Variants in VEPH1 observed in about 807,000 individuals in gnomAD.
VEPH1 encodes ventricular zone-expressed PH domain-containing protein homolog 1.
VEPH1 carries 80 observed loss-of-function variants against 85.2 expected under a neutral mutation model. That is an observed-to-expected ratio of 0.94 (90% CI 0.78 to 1.13). The LOEUF (loss-of-function observed/expected upper bound fraction) is 1.13. Ranked by LOEUF, VEPH1 falls within the 50% of genes most tolerant of loss-of-function variation. The probability of loss-of-function intolerance (pLI) is 0.00; values close to 1 mark genes in which losing one functional copy is unlikely to be tolerated. For synonymous variants in VEPH1, 297 were observed against 348.0 expected (o/e 0.85, Z 1.63); for missense variants, 955 against 980.5 (o/e 0.97, Z 0.35).
intron 6 of VEPH1, among the ~76,000 whole-genome samples, chr3:157,387,118 A>C (rs953882505): frequency 1.3e-5 from 2 of 152,208 alleles, no homozygotes; most frequent in African/African-American, 4.8e-5. Context: ...GATTTGGCCC[A>C]CAGGCAGTAA....
chr3:157,437,395 G>C, intron 4 of VEPH1: 1 of 1,249,384 alleles, frequency 8.0e-7, no homozygotes, highest in Non-Finnish European at 1.1e-6. Flanking sequence ...TCCTTAAAGG[G>C]AAGGGGAATG....
intron 7 of VEPH1, 48 bp downstream of exon 7, chr3:157,381,108 C>T (rs764735650): frequency 6.3e-7 from 1 of 1,595,176 alleles, no homozygotes; most frequent in Non-Finnish European, 8.6e-7. Context: ...CATTCTACCC[C>T]CACAGGTGCA....
intron 9 of VEPH1, among the ~76,000 whole-genome samples, chr3:157,341,272 C>T (rs535565373): frequency 6.6e-6 from 1 of 152,094 alleles, no homozygotes; most frequent in Non-Finnish European, 1.5e-5. Context: ...AGCTAAAAAC[C>T]TTGAAAAAAG....
chr3:157,395,674 T>G (rs565605123), intron 6 of VEPH1, among the ~76,000 whole-genome samples: 1 of 152,254 alleles, frequency 6.6e-6, no homozygotes, highest in South Asian at 2.1e-4. Context: ...CATCCACATA[T>G]CTCTTCCCAA....
chr3:157,275,095 C>G (rs1014133804), intron 12 of VEPH1, among the ~76,000 whole-genome samples: 1 of 152,166 alleles, frequency 6.6e-6, no homozygotes, highest in Non-Finnish European at 1.5e-5. Context: ...CATCCAGACT[C>G]AGAAATTACT....
At chr3:157,272,202 T>C (rs1344680974) in intron 12 of VEPH1, among the ~76,000 whole-genome samples, 2 of 142,672 alleles carry the variant, frequency 1.4e-5, no homozygotes, top group East Asian at 2.1e-4. Flanking sequence ...GGACAAGGAC[T>C]CTCTAGTAAA....
At chr3:157,303,117 T>C (rs1356113088) in intron 11 of VEPH1, among the ~76,000 whole-genome samples, 2 of 152,238 alleles carry the variant, frequency 1.3e-5, no homozygotes, top group Non-Finnish European at 2.9e-5. Context: ...AAGAGAATGC[T>C]CTAATACACC....
intron 6 of VEPH1, among the ~76,000 whole-genome samples, chr3:157,400,688 C>T (rs1275178593): frequency 6.6e-6 from 1 of 152,094 alleles, no homozygotes; most frequent in Admixed American, 6.5e-5. Context: ...AAATCCCCCT[C>T]CATTTGTGCT....
chr3:157,475,267 A>G (rs1321055677), intron 2 of VEPH1, among the ~76,000 whole-genome samples: 3 of 149,840 alleles, frequency 2.0e-5, no homozygotes, highest in African/African-American at 4.9e-5. Flanking sequence ...TGCTGGGATT[A>G]TAAGTGTGAG....
intron 6 of VEPH1, chr3:157,381,589 C>T: frequency 7.2e-6 from 4 of 552,896 alleles, no homozygotes; most frequent in African/African-American, 1.9e-5. Flanking sequence ...CACAGTGGCA[C>T]ATGCCTGTAA....
intron 11 of VEPH1, among the ~76,000 whole-genome samples, chr3:157,295,599 A>T (rs1325514677): frequency 2.7e-5 from 1 of 36,760 alleles, no homozygotes; most frequent in Non-Finnish European, 5.4e-5. Flanking sequence ...CACAGCAGAG[A>T]GCTGGTGTTG....
chr3:157,473,063 G>GA (rs1368897591), intron 2 of VEPH1, among the ~76,000 whole-genome samples: 4 of 136,568 alleles, frequency 2.9e-5, no homozygotes, highest in Non-Finnish European at 3.1e-5. Context: ...CTGATTAAAT[G>GA]AACCTTTTTT....
intron 6 of VEPH1, among the ~76,000 whole-genome samples, chr3:157,384,025 G>A (rs1252063756): frequency 6.6e-6 from 1 of 152,158 alleles, no homozygotes; most frequent in Non-Finnish European, 1.5e-5. Context: ...CCTACCATAT[G>A]CCAGACCCCC....
At chr3:157,474,309 AT>A (rs1737243260) in intron 2 of VEPH1, among the ~76,000 whole-genome samples, 1 of 152,098 alleles carries the variant, frequency 6.6e-6, no homozygotes, top group Admixed American at 6.6e-5. Context: ...TGTGAACTAA[AT>A]CCATTAAAAA....
intron 9 of VEPH1, among the ~76,000 whole-genome samples, chr3:157,347,931 G>A (rs1338017445): frequency 1.3e-5 from 2 of 152,202 alleles, no homozygotes; most frequent in East Asian, 1.9e-4. Context: ...AGCTGCTGCC[G>A]CTGGGCGCCA....
intron 9 of VEPH1, among the ~76,000 whole-genome samples, chr3:157,361,955 T>C (rs530347131): frequency 3.3e-5 from 5 of 152,182 alleles, no homozygotes; most frequent in Non-Finnish European, 7.4e-5. Context: ...TTGCCTTACG[T>C]TCCACTATGA....
chr3:157,409,437 T>G (rs915725984), intron 6 of VEPH1, among the ~76,000 whole-genome samples: 1 of 152,106 alleles, frequency 6.6e-6, no homozygotes. Context: ...GAAGCAAATT[T>G]CTCTACCCTG....
Position 157,334,766 on chromosome 3 carries a change from C to T in VEPH1, c.1736-17565G>A, listed in dbSNP as rs1450129842. 2.0e-5 allele frequency among the ~76,000 whole-genome samples: 3 copies of T among 152,142 alleles called. No homozygotes were observed. In the East Asian group the frequency reaches 5.8e-4, roughly 29 times the overall value. ...GTAGAAAGTAAGAAATAGGCTAGCC[C>T]TGATGAATGCTAGGCCTAGATAAAT... On this transcript the variant is annotated intron_variant, in intron 9 of 13. Coordinates refer to ENST00000362010, the MANE Select transcript of VEPH1 (RefSeq NM_001167912.2).
chr3:157,381,631 A>G, intron 6 of VEPH1: 1 of 472,150 alleles, frequency 2.1e-6, no homozygotes, highest in Non-Finnish European at 3.9e-6. Context: ...AGGCACGAGA[A>G]TCACTTGAAC....
Sources: allele counts gnomAD v4.1 joint callset (sites outside exome capture counted in the v4.1 genomes callset), GRCh38; gene constraint gnomAD v4.1.1; transcripts MANE v1.5; gene names NCBI Gene and HGNC (gene_info 2026-07-23, HGNC 2026-07-21).